Variants in IL12RB2 observed in about 807,000 individuals in gnomAD.
The protein encoded by IL12RB2 is interleukin 12 receptor subunit beta 2, also known as interleukin-12 receptor subunit beta-2.
In IL12RB2, 82 loss-of-function variants were observed where a neutral mutation model predicts 89.4. The ratio of observed to expected loss-of-function variants is 0.92; its 90% CI spans 0.77 to 1.10. The LOEUF is 1.10. IL12RB2 is among the 50% of genes least tolerant of loss of function. The pLI, the probability that IL12RB2 is intolerant of heterozygous loss-of-function variation, is 0.00. For synonymous variants in IL12RB2, 368 were observed against 370.1 expected (o/e 0.99, Z 0.07); for missense variants, 963 against 1,031.9 (o/e 0.93, Z 0.92).
chr1:67,380,966 C>G (rs1664508096), intron 14 of IL12RB2, among the ~76,000 whole-genome samples: 1 of 152,154 alleles, frequency 6.6e-6, no homozygotes, highest in Admixed American at 6.5e-5. Context: ...CATTCTGAGG[C>G]TGGGGGTTTA....
rs1387677420 is a variant in IL12RB2, at chr1:67,397,061, C to T, written c.*972C>T. Among the ~76,000 whole-genome samples, 2 of 151,506 alleles carry T rather than the reference C, an allele frequency of 1.3e-5. No homozygotes were observed. The highest frequency in any genetic ancestry group is 1.3e-4 in the Admixed American group (2 of 15,216). The stretch of plus-strand genomic sequence containing the variant: ...GCTGAGGGAGGAGAATGACATGAAC[C>T]TGGGAGGTGGGGCTTGCAGTGAGCC... On this transcript the variant is annotated 3_prime_UTR_variant, in exon 17 of 17. Transcript: ENST00000674203.
chr1:67,320,221 A>G (rs2100586260), intron 2 of IL12RB2, 112 bp from the exon 3 acceptor site: 1 of 1,497,920 alleles, frequency 6.7e-7, no homozygotes, highest in Non-Finnish European at 9.1e-7. Flanking sequence ...AAATAACAAG[A>G]TCTCAACAAG....
intron 2 of IL12RB2, among the ~76,000 whole-genome samples, chr1:67,317,082 C>A (rs954476572): frequency 6.6e-6 from 1 of 151,950 alleles, no homozygotes; most frequent in Non-Finnish European, 1.5e-5. Context: ...TAAGACTCAC[C>A]CAGTCTAAAA....
intron 13 of IL12RB2, 33 bp downstream of exon 13, chr1:67,372,816 C>T (rs775097886): frequency 1.3e-6 from 2 of 1,507,684 alleles, no homozygotes; most frequent in South Asian, 2.2e-5. Flanking sequence ...GTGAGTGGGG[C>T]CTTCTTGTTT....
At chr1:67,389,783 A>G (rs1665610097) in intron 15 of IL12RB2, among the ~76,000 whole-genome samples, 1 of 152,222 alleles carries the variant, frequency 6.6e-6, no homozygotes, top group Non-Finnish European at 1.5e-5. Flanking sequence ...CTGGCTAGTG[A>G]TAGATTGCTA....
intron 4 of IL12RB2, among the ~76,000 whole-genome samples, chr1:67,325,350 C>T (rs1035864031): frequency 2.0e-5 from 3 of 152,214 alleles, no homozygotes; most frequent in Non-Finnish European, 4.4e-5. Flanking sequence ...GCAACCTCTA[C>T]CTTTTGAGTT....
At chr1:67,323,195 C>T (rs150941816) in intron 4 of IL12RB2, among the ~76,000 whole-genome samples, 4 of 152,246 alleles carry the variant, frequency 2.6e-5, no homozygotes, top group Middle Eastern at 3.4e-3. Context: ...ACCAGAAGCA[C>T]GGAGCAGAAG....
rs966631259 is a variant in IL12RB2, at chr1:67,386,577, A to G, written c.1856-2A>G. ...CAGTCACAGGATTTCCTAACTTTTC[A>G]GGTAAAGCCAATTGGATGGCGTTTG... On this transcript the variant is annotated splice_acceptor_variant, in intron 14 of 16. Coordinates refer to ENST00000674203, the MANE Select transcript of IL12RB2 (RefSeq NM_001374259.2). LOFTEE classifies it high-confidence loss of function. 6.2e-7 allele frequency: 1 copy of G among 1,608,332 alleles called. No homozygotes were observed. Among genetic ancestry groups the G allele is most frequent in the African/African-American group, 1.3e-5 (1 of 74,904 alleles).
At chr1:67,384,835 C>T (rs1664971348) in intron 14 of IL12RB2, among the ~76,000 whole-genome samples, 1 of 152,212 alleles carries the variant, frequency 6.6e-6, no homozygotes, top group Admixed American at 6.5e-5. Flanking sequence ...TCCTTGTCTC[C>T]ATCTGAGACC....
At chr1:67,381,336 A>G (rs1270252799) in intron 14 of IL12RB2, among the ~76,000 whole-genome samples, 3 of 152,256 alleles carry the variant, frequency 2.0e-5, no homozygotes, top group African/African-American at 7.2e-5. Flanking sequence ...TGCTCTAAGC[A>G]TAAAACAAGC....
At chr1:67,322,787 C>T (rs963898735) in intron 4 of IL12RB2, among the ~76,000 whole-genome samples, 1 of 152,220 alleles carries the variant, frequency 6.6e-6, no homozygotes, top group Non-Finnish European at 1.5e-5. Flanking sequence ...GGGATTAGAA[C>T]TAAAGTGTCA....
chr1:67,360,104 A>G (rs532053673), intron 10 of IL12RB2, among the ~76,000 whole-genome samples: 98 of 152,214 alleles, frequency 6.4e-4, no homozygotes, highest in African/African-American at 2.3e-3. Context: ...GTTTTATCTT[A>G]TGGAGCTTGA....
rs898159538 is a variant in IL12RB2, at chr1:67,391,379, G to T, written c.2046+1251G>T. 1.3e-4 allele frequency among the ~76,000 whole-genome samples: 18 copies of T among 139,596 alleles called. No homozygotes were observed. The Admixed American group carries it at 1.3e-3, about 10-fold the overall frequency. 91.6% of individuals were successfully genotyped at this position (139,596 alleles called of 152,430 possible). A position where few individuals can be genotyped will look rare whatever the true frequency, so the allele number is the denominator to read the frequency against. ...GCAGTGTGTGTGTGTGTGTGTGTGTGTGTGTCTATACACACACACACACAC... is the reference window on the plus strand; with the variant it reads ...GCAGTGTGTGTGTGTGTGTGTGTGTTTGTGTCTATACACACACACACACAC... On this transcript the variant is annotated intron_variant, in intron 16 of 16. Coordinates refer to ENST00000674203, the MANE Select transcript of IL12RB2 (RefSeq NM_001374259.2).
At chr1:67,329,043 A>G (rs567687894) in intron 6 of IL12RB2, among the ~76,000 whole-genome samples, 2 of 152,296 alleles carry the variant, frequency 1.3e-5, no homozygotes, top group South Asian at 2.1e-4. Flanking sequence ...CTCTGCATAC[A>G]TATTGCTAAC....
intron 7 of IL12RB2, 24 bp from the exon 8 acceptor site, chr1:67,330,636 C>T (rs777280208): frequency 1.6e-6 from 2 of 1,272,964 alleles, no homozygotes; most frequent in South Asian, 1.2e-5. Context: ...TTAATAGGCA[C>T]TTTAAAAAAA....
intron 11 of IL12RB2, among the ~76,000 whole-genome samples, chr1:67,371,367 AAC>A (rs913265223): frequency 2.0e-5 from 3 of 152,164 alleles, no homozygotes; most frequent in African/African-American, 7.2e-5. Context: ...TTTCATATAA[AAC>A]ACAAATAATT....
chr1:67,307,851 C>A (rs1248317101), upstream of IL12RB2: 1 of 152,090 alleles, frequency 6.6e-6, no homozygotes, highest in Non-Finnish European at 1.5e-5. Context: ...GGCGCTGGCA[C>A]CGGGAACGCC....
intron 9 of IL12RB2, among the ~76,000 whole-genome samples, chr1:67,347,558 A>G (rs11580696): frequency 2.0e-5 from 3 of 152,214 alleles, no homozygotes; most frequent in Non-Finnish European, 4.4e-5. Flanking sequence ...CAGAACTCTT[A>G]CAGTAGGTTT....
chr1:67,338,361 A>C (rs922086336), intron 8 of IL12RB2, among the ~76,000 whole-genome samples: 5 of 139,378 alleles, frequency 3.6e-5, no homozygotes, highest in African/African-American at 1.3e-4. Flanking sequence ...AAAAAAAAAA[A>C]AAAAAAAAAA....
Sources: gnomAD v4.1 joint callset for allele counts (sites outside exome capture counted in the v4.1 genomes callset) on GRCh38, gnomAD v4.1.1 for gene constraint, MANE v1.5 for transcripts, NCBI Gene and HGNC (gene_info 2026-07-23, HGNC 2026-07-21) for gene names.